The following B4GALT7 variants were observed in gnomAD, a reference collection of about 807,000 sequenced individuals.
B4GALT7 encodes the protein UDP-Gal:beta-GlcNAc beta-1,4-galactosyltransferase 7.
In B4GALT7, 30 loss-of-function variants were observed where a neutral mutation model predicts 33.0. The observed-to-expected ratio is 0.91, with a 90% CI of 0.68 to 1.23. B4GALT7 has a LOEUF of 1.23. Ranked by LOEUF, B4GALT7 falls within the 50% of genes most tolerant of loss-of-function variation. B4GALT7 has a pLI of 0.00. For synonymous variants in B4GALT7, 213 were observed against 187.2 expected, an observed-to-expected ratio of 1.14 and a Z score of -1.13; for missense variants, 507 against 450.8, an observed-to-expected ratio of 1.12 and a Z score of -1.13.
chr5:177,607,023 T>G, intron 2 of B4GALT7: 4 of 514,880 alleles, frequency 7.8e-6, no homozygotes, highest in Admixed American at 3.1e-5. Flanking sequence ...TGGCCACGCT[T>G]TGTGTTTGCT....
At position 177,600,529 on chromosome 5, in the gene B4GALT7, T is replaced by C. The variant is rs1767818751; in HGVS notation, c.50+269T>C. ...CGGCCCGTGGGTCCGTATTTCTCCA[T>C]TGACTTCCCTTTGTGAGTTTCTGAT... On this transcript the variant is annotated intron_variant, in intron 1 of 5. Coordinates refer to ENST00000029410, the MANE Select transcript of B4GALT7 (RefSeq NM_007255.3). The surrounding 1 kb of genome is among the most constrained non-coding windows in gnomAD (Gnocchi z 4.4). Among the ~76,000 whole-genome samples the C allele has an allele frequency of 2.0e-5, 3 of 148,620 alleles. No individual in the cohort carries two copies. The South Asian group carries it at 6.5e-4, about 32-fold the overall frequency.
chr5:177,601,919 G>T (rs1223569566), intron 1 of B4GALT7, among the ~76,000 whole-genome samples: 2 of 152,248 alleles, frequency 1.3e-5, no homozygotes, highest in African/African-American at 4.8e-5. Flanking sequence ...CCATGGGGAT[G>T]TGGTCCTCAT....
At chr5:177,602,006 AAT>A (rs1767862417) in intron 1 of B4GALT7, among the ~76,000 whole-genome samples, 1 of 152,124 alleles carries the variant, frequency 6.6e-6, no homozygotes, top group South Asian at 2.1e-4. Context: ...TCCCCTGGAT[AAT>A]AGTCACTGCT....
intron 2 of B4GALT7, chr5:177,607,092 C>T (rs1320797574): frequency 3.2e-6 from 2 of 631,952 alleles, no homozygotes; most frequent in African/African-American, 1.8e-5. Context: ...TGGTTTTTCA[C>T]TGCTGTACCT....
rs567574735 is a variant in B4GALT7, at chr5:177,608,522, G to A, written c.640-17G>A. ...CCGGGAAGATGGGCCGAGTGACGCT[G>A]CTTGTCTCTGTGTCAGTGCAATGGG... On this transcript the variant is annotated splice_polypyrimidine_tract_variant and intron_variant, in intron 3 of 5. Transcript: ENST00000029410. This position sits in a 1 kb window ranked among gnomAD's most constrained non-coding sequence, Gnocchi z 4.1. 2 of 1,610,548 alleles carry A rather than the reference G, an allele frequency of 1.2e-6. No individual in the cohort carries two copies. The highest frequency in any genetic ancestry group is 1.7e-5 in the Admixed American group (1 of 60,014).
intron 3 of B4GALT7, chr5:177,607,853 C>A: frequency 2.3e-6 from 1 of 429,710 alleles, no homozygotes; most frequent in Non-Finnish European, 4.4e-6. Context: ...GCTCTCCTTC[C>A]CTGCACTGGG....
chr5:177,607,802 A>G, intron 3 of B4GALT7: 2 of 526,464 alleles, frequency 3.8e-6, no homozygotes, highest in East Asian at 6.8e-5. Flanking sequence ...CCCACCTCTC[A>G]GACAGTGTCA....
chr5:177,601,968 C>T (rs898473887), intron 1 of B4GALT7, among the ~76,000 whole-genome samples: 5 of 152,126 alleles, frequency 3.3e-5, no homozygotes, highest in African/African-American at 9.7e-5. Context: ...AGCGTGTGGA[C>T]GTGCTCGGAG....
At chr5:177,604,585 G>C in intron 2 of B4GALT7, 44 bp downstream of exon 2, 4 of 1,612,064 alleles carry the variant, frequency 2.5e-6, no homozygotes, top group Non-Finnish European at 3.4e-6. Flanking sequence ...CCCTGCCCGG[G>C]CTCAGGCTTC....
chr5:177,602,726 G>A (rs1311029004), intron 1 of B4GALT7: 1 of 579,858 alleles, frequency 1.7e-6, no homozygotes, highest in Non-Finnish European at 2.2e-6. Flanking sequence ...TGGAGTTGGG[G>A]CCAGGTCATG....
In B4GALT7 at chr5:177,610,042, T is replaced by A. The variant is rs78811463; in HGVS notation, c.*347T>A. 2.7e-6 allele frequency: 1 copy of A among 366,116 alleles called. No individual in the cohort carries two copies. Among genetic ancestry groups the A allele is most frequent in the Non-Finnish European group, 5.3e-6 (1 of 189,442 alleles). 22.7% of individuals were successfully genotyped at this position (366,116 alleles called of 1,614,324 possible). A position where few individuals can be genotyped will look rare whatever the true frequency, so the allele number is the denominator to read the frequency against. Reference sequence around the variant, plus strand: ...CAGGACAACCTCTCATCACCCCCACTTTTGTTCCTTCCTGCTGGGCTGCCT... The same window carrying A: ...CAGGACAACCTCTCATCACCCCCACATTTGTTCCTTCCTGCTGGGCTGCCT... On this transcript the variant is annotated 3_prime_UTR_variant, in exon 6 of 6. Coordinates refer to ENST00000029410, the MANE Select transcript of B4GALT7 (RefSeq NM_007255.3).
At chr5:177,605,883 A>G (rs1186524260) in intron 2 of B4GALT7, 1 of 152,748 alleles carries the variant, frequency 6.5e-6, no homozygotes, top group Non-Finnish European at 1.5e-5. Context: ...CATGGCACAG[A>G]GCAGCTCTCA....
rs188594240 is a variant in B4GALT7 at position 177,609,752 on chromosome 5, C to T, written c.*57C>T. The T allele has an allele frequency of 1.9e-5, 29 of 1,551,602 alleles. 1 individual carries two copies. The Admixed American group carries it at 5.5e-4, about 29-fold the overall frequency. ...CAGGCCATATTGCTCAGGCTCAGGA[C>T]AAGGCCTCAGGTCGTGGGCCCAGCT... On this transcript the variant is annotated 3_prime_UTR_variant, in exon 6 of 6. Transcript: ENST00000029410.
At chr5:177,609,132 GGTCA>G (rs997538045) in intron 5 of B4GALT7, 118 bp downstream of exon 5, 4 of 971,358 alleles carry the variant, frequency 4.1e-6, no homozygotes, top group African/African-American at 3.2e-5. Context: ...GCTTGGCCCA[GGTCA>G]GTCGACGGGC....
At position 177,609,523 on chromosome 5, in the gene B4GALT7, C is replaced by T; in HGVS notation, c.829-17C>T. On this transcript the variant is annotated splice_polypyrimidine_tract_variant and intron_variant, in intron 5 of 5. Transcript: ENST00000029410. ...ATGCAGCCCTGAGTCCGTGCTCTTT[C>T]CTCTCTTCCTCCCCAGGAGCAGTTC... 1 of 1,612,626 alleles carries T rather than the reference C, an allele frequency of 6.2e-7. No individual in the cohort carries two copies. Among genetic ancestry groups the T allele is most frequent in the South Asian group, 1.1e-5 (1 of 91,012 alleles).
chr5:177,609,681 T>A lies in B4GALT7; in HGVS notation c.970T>A (p.Cys324Ser), dbSNP rs767650033. ...CTGTGACAAGACCGCCACACCCTGG[T>A]GCACATTCAGCTGAGCTGGATGGAC... Reference protein sequence around the residue: ...LDCDKTATPWCTFS With the variant: ...LDCDKTATPWSTFS The change falls in exon 6 of 6, where the codon TGC becomes AGC. Residue 324 changes from cysteine (C) to serine (S), a missense_variant. Transcript: ENST00000029410. The A allele has an allele frequency of 1.2e-6, 2 of 1,611,562 alleles. No homozygotes were observed. Among genetic ancestry groups the A allele is most frequent in the Admixed American group, 1.7e-5 (1 of 59,596 alleles).
At chr5:177,604,642 G>A in intron 2 of B4GALT7, 101 bp downstream of exon 2, 1 of 1,496,746 alleles carries the variant, frequency 6.7e-7, no homozygotes, top group Non-Finnish European at 9.2e-7. Flanking sequence ...GAGGGCGGGA[G>A]GTGGCAGACC....
chr5:177,607,181 G>A (rs1768038392), intron 2 of B4GALT7, 121 bp from the exon 3 acceptor site: 3 of 812,062 alleles, frequency 3.7e-6, no homozygotes, highest in Middle Eastern at 3.1e-4. Context: ...CCCACAGGCT[G>A]AGTGAAGTCA....
chr5:177,607,179 CTGAG>C lies in B4GALT7; in HGVS notation c.414-119_414-116del, dbSNP rs1768038322. On this transcript the variant is annotated intron_variant, in intron 2 of 5. Coordinates refer to ENST00000029410, the MANE Select transcript of B4GALT7 (RefSeq NM_007255.3). ...ATGAGTGGAGGGACTGCCCCACAGG[CTGAG>C]TGAAGTCAGTGCTGGGCCAGAGGGC... The C allele has an allele frequency of 6.2e-6, 5 of 803,146 alleles. No homozygotes were observed. The Admixed American group carries it at 8.0e-5, about 13-fold the overall frequency. The allele number at this position is 803,146 out of a possible 1,614,324, so 49.8% of individuals were successfully genotyped here.
Sources: allele counts gnomAD v4.1 joint callset (sites outside exome capture counted in the v4.1 genomes callset), GRCh38; gene constraint gnomAD v4.1.1; non-coding constraint Gnocchi (gnomAD v3.1); transcripts MANE v1.5; gene names NCBI Gene and HGNC (gene_info 2026-07-23, HGNC 2026-07-21).